The following DLGAP2 variants were observed in gnomAD, a reference collection of about 807,000 sequenced individuals.
DLGAP2 encodes DLG associated protein 2.
In DLGAP2, 26 loss-of-function variants were observed where a neutral mutation model predicts 100.3. The ratio of observed to expected loss-of-function variants is 0.26; its 90% CI spans 0.19 to 0.36. The LOEUF (loss-of-function observed/expected upper bound fraction) is 0.36, where lower values mean the gene tolerates loss of function less well. Among genes scored for constraint, DLGAP2 ranks in the 10% least tolerant of loss-of-function variants. The probability of loss-of-function intolerance (pLI) is 1.00; values close to 1 mark genes in which losing one functional copy is unlikely to be tolerated. For missense variants in DLGAP2, 1,858 were observed against 1,453.2 expected (o/e 1.28, Z -4.53); for synonymous variants, 886 against 630.1 (o/e 1.41, Z -6.08).
chr8:1,595,081 A>G (rs1796409091), intron 6 of DLGAP2, among the ~76,000 whole-genome samples: 1 of 151,512 alleles, frequency 6.6e-6, no homozygotes, highest in African/African-American at 2.4e-5. Flanking sequence ...TTGCTCTGTC[A>G]CCCAGGCTGG....
chr8:970,855 G>A (rs1799997133), intron 2 of DLGAP2, among the ~76,000 whole-genome samples: 1 of 152,126 alleles, frequency 6.6e-6, no homozygotes, highest in East Asian at 1.9e-4. Context: ...TCCATTGTCA[G>A]ACCCCAGACT....
intron 4 of DLGAP2, among the ~76,000 whole-genome samples, chr8:1,519,723 G>A (rs976386874): frequency 7.2e-5 from 11 of 152,250 alleles, no homozygotes; most frequent in African/African-American, 2.4e-4. Context: ...TTGCCTGCCT[G>A]TAAGAAGCCA....
At chr8:973,097 T>C (rs1800059582) in intron 2 of DLGAP2, among the ~76,000 whole-genome samples, 1 of 152,246 alleles carries the variant, frequency 6.6e-6, no homozygotes. Context: ...AAAACCGCCA[T>C]CGTCATCATG....
intron 2 of DLGAP2, among the ~76,000 whole-genome samples, chr8:1,170,253 A>G (rs1042183821): frequency 6.6e-6 from 1 of 152,202 alleles, no homozygotes; most frequent in African/African-American, 2.4e-5. Flanking sequence ...ATGCTGGATA[A>G]GCTTTTTGAT....
intron 6 of DLGAP2, among the ~76,000 whole-genome samples, chr8:1,591,277 G>T (rs1364056377): frequency 6.8e-6 from 1 of 146,764 alleles, no homozygotes; most frequent in African/African-American, 2.4e-5. Context: ...GAGCATGGGG[G>T]TCACTCACAC....
chr8:1,250,358 A>C (rs1265288747), intron 2 of DLGAP2: 2 of 152,382 alleles, frequency 1.3e-5, no homozygotes, highest in South Asian at 2.1e-4. Context: ...CTCCTGCCAC[A>C]GCTGCATGGG....
At chr8:784,024 TC>T (rs1275054637) in intron 1 of DLGAP2, among the ~76,000 whole-genome samples, 1 of 152,194 alleles carries the variant, frequency 6.6e-6, no homozygotes, top group African/African-American at 2.4e-5. Flanking sequence ...ACACTTATGT[TC>T]CATCCAGGTA....
At chr8:1,186,980 C>G (rs917487328) in intron 2 of DLGAP2, among the ~76,000 whole-genome samples, 1 of 152,216 alleles carries the variant, frequency 6.6e-6, no homozygotes, top group Admixed American at 6.5e-5. Context: ...TTCCATCACA[C>G]CCGTTAATTG....
intron 2 of DLGAP2, among the ~76,000 whole-genome samples, chr8:1,009,878 C>T (rs772123491): frequency 6.6e-5 from 10 of 152,288 alleles, no homozygotes; most frequent in African/African-American, 2.4e-4. Flanking sequence ...TTGGAAATAC[C>T]TCATAGGAGA....
intron 2 of DLGAP2, among the ~76,000 whole-genome samples, chr8:971,431 T>C (rs1014600349): frequency 4.6e-5 from 7 of 152,110 alleles, no homozygotes; most frequent in African/African-American, 1.7e-4. Context: ...CTCCCCAAAA[T>C]TGGAGCAACC....
intron 3 of DLGAP2, among the ~76,000 whole-genome samples, chr8:1,303,157 GA>G (rs1345151673): frequency 3.9e-5 from 6 of 152,162 alleles, no homozygotes; most frequent in African/African-American, 1.2e-4. Context: ...CAGCACTTTG[GA>G]AGGCCGAGGC....
intron 2 of DLGAP2, among the ~76,000 whole-genome samples, chr8:1,257,770 G>A (rs1378352736): frequency 6.6e-6 from 1 of 151,804 alleles, no homozygotes; most frequent in Non-Finnish European, 1.5e-5. Context: ...GTGTCCTCCC[G>A]AGGGCCCGTG....
intron 12 of DLGAP2, among the ~76,000 whole-genome samples, chr8:1,683,856 A>ATATATATATATATATATG (rs1467438870): frequency 1.1e-4 from 7 of 62,228 alleles, no homozygotes; most frequent in East Asian, 1.2e-3. Context: ...ATATATATAT[A>ATATATATATATATATATG]TGTGTGTGTG....
chr8:1,191,469 C>T (rs1290530437), intron 2 of DLGAP2, among the ~76,000 whole-genome samples: 7 of 152,150 alleles, frequency 4.6e-5, no homozygotes, highest in Admixed American at 6.5e-5. Context: ...CGCGCCCAGC[C>T]GATACGTTTT....
At chr8:1,651,350 C>A (rs1798158941) in intron 8 of DLGAP2, among the ~76,000 whole-genome samples, 1 of 152,194 alleles carries the variant, frequency 6.6e-6, no homozygotes, top group Non-Finnish European at 1.5e-5. Flanking sequence ...ATGGTCACGT[C>A]CACTTGGAAG....
In DLGAP2 at chr8:1,548,458, GAAAAAAAAA is replaced by G. The variant is rs773138776; in HGVS notation, c.173-150_173-142del. 6.3e-4 allele frequency among the ~76,000 whole-genome samples: 26 copies of G among 41,582 alleles called. 1 individual carries two copies. Among genetic ancestry groups the G allele is most frequent in the East Asian group, 5.2e-3 (5 of 962 alleles). The allele number at this position is 41,582 out of a possible 152,430, so 27.3% of individuals were successfully genotyped here. A position where few individuals can be genotyped will look rare whatever the true frequency, so the allele number is the denominator to read the frequency against. ...TGGGCGACAGAGCGAGACTGTCTCA[GAAAAAAAAA>G]AAAAAAAAAAAAAAAAACCCACAAA... is the stretch of plus-strand genomic sequence containing the variant. On this transcript the variant is annotated intron_variant, in intron 4 of 14. Coordinates refer to ENST00000637795, the MANE Select transcript of DLGAP2 (RefSeq NM_001346810.2).
chr8:1,655,507 T>A (rs1798263292), intron 8 of DLGAP2, among the ~76,000 whole-genome samples: 2 of 152,254 alleles, frequency 1.3e-5, no homozygotes, highest in Admixed American at 1.3e-4. Flanking sequence ...TACGATGGAA[T>A]GCTAATTTTC....
At chr8:1,605,653 C>T (rs145141690) in intron 6 of DLGAP2, among the ~76,000 whole-genome samples, 1 of 152,296 alleles carries the variant, frequency 6.6e-6, no homozygotes, top group Non-Finnish European at 1.5e-5. Flanking sequence ...TGTGATCCCG[C>T]TGATGTTACC....
At chr8:1,360,723 G>A (rs991137178) in intron 3 of DLGAP2, among the ~76,000 whole-genome samples, 2 of 152,098 alleles carry the variant, frequency 1.3e-5, no homozygotes, top group African/African-American at 2.4e-5. Flanking sequence ...CGGTGGCCTC[G>A]TTCTTCCGGT....
Sources: allele counts gnomAD v4.1 joint callset (sites outside exome capture counted in the v4.1 genomes callset), GRCh38; gene constraint gnomAD v4.1.1; transcripts MANE v1.5; gene names NCBI Gene and HGNC (gene_info 2026-07-23, HGNC 2026-07-21).